Variants in TCF12 observed in about 807,000 individuals in gnomAD.
TCF12 encodes DNA-binding protein HTF4.
TCF12 carries 45 observed loss-of-function variants against 86.0 expected under a neutral mutation model. The observed-to-expected ratio is 0.52, with a 90% CI of 0.41 to 0.67. TCF12 has a LOEUF of 0.67. TCF12 is among the 30% of genes least tolerant of loss of function. The pLI is 0.00. For missense variants in TCF12, 881 were observed against 859.9 expected, an observed-to-expected ratio of 1.02 and a Z score of -0.31; for synonymous variants, 330 against 299.6, an observed-to-expected ratio of 1.10 and a Z score of -1.05.
At chr15:56,952,492 G>A (rs897160307) in intron 3 of TCF12, among the ~76,000 whole-genome samples, 1 of 151,960 alleles carries the variant, frequency 6.6e-6, no homozygotes, top group African/African-American at 2.4e-5. Context: ...AATTGACATC[G>A]TAATAGGGTT....
chr15:57,075,804 T>TCTC (rs1567370603), intron 4 of TCF12, among the ~76,000 whole-genome samples: 62 of 28,588 alleles, frequency 2.2e-3, no homozygotes, highest in Admixed American at 5.0e-3. Context: ...CTTTCTTTCT[T>TCTC]TCTCTCTCTC....
intron 4 of TCF12, among the ~76,000 whole-genome samples, chr15:57,078,812 A>G (rs1318816788): frequency 2.0e-5 from 3 of 152,196 alleles, no homozygotes; most frequent in African/African-American, 7.2e-5. Context: ...TTAGAACTCA[A>G]AGCAGACAAG....
At chr15:57,168,146 T>C (rs1567552816) in intron 6 of TCF12, among the ~76,000 whole-genome samples, 2 of 151,116 alleles carry the variant, frequency 1.3e-5, no homozygotes, top group Non-Finnish European at 3.0e-5. Context: ...ATTGCATCTC[T>C]AAAAAAAAAT....
chr15:57,124,387 C>T (rs540633209), intron 5 of TCF12, among the ~76,000 whole-genome samples: 110 of 152,260 alleles, frequency 7.2e-4, no homozygotes, highest in Non-Finnish European at 1.3e-3. Flanking sequence ...TGGGAGCTAG[C>T]ATGTTTGGGT....
intron 8 of TCF12, among the ~76,000 whole-genome samples, chr15:57,224,803 A>T (rs531213466): frequency 4.8e-4 from 73 of 152,238 alleles, no homozygotes; most frequent in African/African-American, 1.7e-3. Context: ...TTCCGTGGAG[A>T]TGGCTTGTAT....
At chr15:57,009,745 G>A (rs1483352943) in intron 3 of TCF12, among the ~76,000 whole-genome samples, 1 of 152,150 alleles carries the variant, frequency 6.6e-6, no homozygotes, top group Non-Finnish European at 1.5e-5. Context: ...CAAATTTATT[G>A]TGCTACATGA....
At chr15:57,163,256 TATG>T (rs1442161516) in intron 5 of TCF12, among the ~76,000 whole-genome samples, 1 of 152,228 alleles carries the variant, frequency 6.6e-6, no homozygotes, top group Non-Finnish European at 1.5e-5. Flanking sequence ...TGTTTATTGA[TATG>T]ATACATAATT....
chr15:57,020,771 T>A (rs2065430637), intron 3 of TCF12, among the ~76,000 whole-genome samples: 2 of 152,168 alleles, frequency 1.3e-5, no homozygotes, highest in South Asian at 4.1e-4. Flanking sequence ...GGACTATGTG[T>A]AGGTGTAACA....
rs1446780217 is a variant in TCF12 at position 57,289,023 on chromosome 15, A to G, written c.*2878A>G. 3.3e-5 allele frequency: 5 copies of G among 152,190 alleles called. No individual in the cohort carries two copies. Among genetic ancestry groups the G allele is most frequent in the Non-Finnish European group, 7.3e-5 (5 of 68,032 alleles). The allele number at this position is 152,190 out of a possible 1,614,324, so 9.4% of individuals were successfully genotyped here. A position where few individuals can be genotyped will look rare whatever the true frequency, so the allele number is the denominator to read the frequency against. On this transcript the variant is annotated 3_prime_UTR_variant, in exon 21 of 21. Coordinates refer to ENST00000333725, the MANE Select transcript of TCF12 (RefSeq NM_207037.2). ...ACAAAAAAAAGCGTAGGGATTATCC[A>G]TGAGGACTTCATGCCAAGCAAGAAC...
chr15:57,265,649 T>C (rs1204526702), intron 18 of TCF12, among the ~76,000 whole-genome samples: 1 of 152,246 alleles, frequency 6.6e-6, no homozygotes, highest in Admixed American at 6.5e-5. Context: ...AGAAATGTAC[T>C]GTAGGGACTT....
At chr15:57,264,452 C>T (rs910781831) in intron 18 of TCF12, among the ~76,000 whole-genome samples, 3 of 151,888 alleles carry the variant, frequency 2.0e-5, no homozygotes, top group African/African-American at 7.3e-5. Context: ...CTGCCCACCT[C>T]ATCCTCCCAA....
At chr15:57,160,863 T>A (rs1433466851) in intron 5 of TCF12, among the ~76,000 whole-genome samples, 3 of 151,692 alleles carry the variant, frequency 2.0e-5, no homozygotes, top group East Asian at 1.9e-4. Flanking sequence ...TTTTTTTTTT[T>A]ATTTTTTATA....
At chr15:57,136,377 G>T (rs1452521745) in intron 5 of TCF12, among the ~76,000 whole-genome samples, 1 of 152,204 alleles carries the variant, frequency 6.6e-6, no homozygotes, top group South Asian at 2.1e-4. Flanking sequence ...GCTCTTGGGA[G>T]ACGTTTGCTC....
intron 19 of TCF12, chr15:57,281,504 G>A (rs1013921483): frequency 1.3e-5 from 2 of 152,180 alleles, no homozygotes; most frequent in African/African-American, 2.4e-5. Context: ...ACGAACGAAC[G>A]GGCTGGCTGC....
At chr15:57,212,358 A>G (rs1184910426) in intron 8 of TCF12, among the ~76,000 whole-genome samples, 1 of 152,042 alleles carries the variant, frequency 6.6e-6, no homozygotes, top group Non-Finnish European at 1.5e-5. Flanking sequence ...ATCATAGCTC[A>G]CTGCAGGCAT....
intron 3 of TCF12, among the ~76,000 whole-genome samples, chr15:56,994,524 ATAAT>A (rs1184831316): frequency 7.9e-5 from 12 of 152,132 alleles, no homozygotes; most frequent in Non-Finnish European, 1.5e-4. Flanking sequence ...CAGATATGTC[ATAAT>A]TAATCTGAAA....
chr15:57,238,846 A>C (rs1390004945), intron 12 of TCF12, among the ~76,000 whole-genome samples: 2 of 152,190 alleles, frequency 1.3e-5, no homozygotes, highest in African/African-American at 4.8e-5. Context: ...TGTATAACAC[A>C]GTGTGAAGTA....
intron 3 of TCF12, among the ~76,000 whole-genome samples, chr15:56,972,739 G>A (rs558269756): frequency 3.9e-5 from 6 of 152,172 alleles, no homozygotes; most frequent in Admixed American, 1.3e-4. Flanking sequence ...TTGGAACCAC[G>A]TTAATGTTTC....
At chr15:57,130,040 G>T (rs1007587012) in intron 5 of TCF12, 1 of 152,160 alleles carries the variant, frequency 6.6e-6, no homozygotes, top group Non-Finnish European at 1.5e-5. Context: ...AAAAATAGCT[G>T]ATTTGTTTAA....
Sources: gnomAD v4.1 joint callset for allele counts (sites outside exome capture counted in the v4.1 genomes callset) on GRCh38, gnomAD v4.1.1 for gene constraint, MANE v1.5 for transcripts, NCBI Gene and HGNC (gene_info 2026-07-23, HGNC 2026-07-21) for gene names.